Variants in GPR89B observed in about 807,000 individuals in gnomAD.
The protein encoded by GPR89B is G protein-coupled receptor 89B.
A neutral mutation model predicts 52.4 loss-of-function variants in GPR89B; 25 were observed. The ratio of observed to expected loss-of-function variants is 0.48; its 90% CI spans 0.35 to 0.67. GPR89B has a LOEUF of 0.67. Among genes scored for constraint, GPR89B ranks in the 30% least tolerant of loss-of-function variants. The probability of loss-of-function intolerance (pLI) is 0.01; values close to 1 mark genes in which losing one functional copy is unlikely to be tolerated. For synonymous variants in GPR89B, 52 were observed against 151.2 expected, an observed-to-expected ratio of 0.34 and a Z score of 4.81; for missense variants, 146 against 450.2, an observed-to-expected ratio of 0.32 and a Z score of 6.11.
intron 5 of GPR89B, among the ~76,000 whole-genome samples, chr1:147,949,318 C>A (rs587740890): frequency 6.7e-6 from 1 of 149,010 alleles, no homozygotes; most frequent in Non-Finnish European, 1.5e-5. Flanking sequence ...AGGGGCTCCT[C>A]ACTTCCCAGT....
At chr1:147,992,014 C>T (rs1376953077) in intron 12 of GPR89B, among the ~76,000 whole-genome samples, 2 of 151,992 alleles carry the variant, frequency 1.3e-5, no homozygotes, top group Admixed American at 6.6e-5. Context: ...TTCTAATCAA[C>T]GTAGGAAGAC....
intron 1 of GPR89B, among the ~76,000 whole-genome samples, chr1:147,931,200 T>G (rs1653569536): frequency 6.6e-6 from 1 of 152,036 alleles, no homozygotes; most frequent in South Asian, 2.1e-4. Flanking sequence ...CCAAGAAAGG[T>G]GTCTTTTATA....
chr1:148,022,451 A>T, the GPR89B span, among the ~76,000 whole-genome samples: 4 of 151,940 alleles, frequency 2.6e-5, no homozygotes, highest in Non-Finnish European at 4.4e-5. Context: ...TTTCGTTAAT[A>T]GATAGAGACC....
intron 1 of GPR89B, among the ~76,000 whole-genome samples, chr1:147,931,674 C>T (rs1653627515): frequency 2.0e-5 from 3 of 151,462 alleles, no homozygotes; most frequent in South Asian, 4.2e-4. Context: ...ACAAATGATC[C>T]GGTCACCCAG....
chr1:147,969,304 G>A (rs1350762684), intron 9 of GPR89B: 1 of 298,288 alleles, frequency 3.4e-6, no homozygotes, highest in Non-Finnish European at 6.2e-6. Context: ...TATAAGAGCA[G>A]TAGACACCTA....
chr1:148,000,324 TC>T, the GPR89B span, among the ~76,000 whole-genome samples: 1 of 151,472 alleles, frequency 6.6e-6, no homozygotes, highest in African/African-American at 2.4e-5. Flanking sequence ...ATTAGAGACT[TC>T]TATTCAAGTT....
chr1:147,971,596 G>A (rs1657477675), intron 10 of GPR89B, among the ~76,000 whole-genome samples: 2 of 149,016 alleles, frequency 1.3e-5, no homozygotes, highest in African/African-American at 5.0e-5. Flanking sequence ...CCTGCCTTAG[G>A]CTCCCAAGTA....
the GPR89B span, among the ~76,000 whole-genome samples, chr1:148,015,557 A>G: frequency 0.45 from 61,010 of 136,610 alleles, 14,817 homozygotes; most frequent in African/African-American, 0.52. Context: ...CTCGTGATGC[A>G]CCCGCCTTTG....
chr1:147,963,373 C>CA, intron 7 of GPR89B, among the ~76,000 whole-genome samples: 1 of 136,646 alleles, frequency 7.3e-6, no homozygotes, highest in Admixed American at 7.3e-5. Context: ...AAGACTCCTT[C>CA]TTAAAAAAAA....
chr1:147,984,684 C>G (rs1658537792), intron 10 of GPR89B, among the ~76,000 whole-genome samples: 2 of 148,728 alleles, frequency 1.3e-5, no homozygotes. Flanking sequence ...TACTGCTATA[C>G]TAGATCTCAC....
intron 10 of GPR89B, among the ~76,000 whole-genome samples, chr1:147,980,870 C>A: frequency 7.2e-6 from 1 of 139,230 alleles, no homozygotes; most frequent in Non-Finnish European, 1.5e-5. Context: ...CATTAGTAGT[C>A]ATTCCCCATT....
the GPR89B span, among the ~76,000 whole-genome samples, chr1:148,007,972 A>G: frequency 6.6e-6 from 1 of 151,940 alleles, no homozygotes; most frequent in East Asian, 1.9e-4. Flanking sequence ...ATTTCATTAC[A>G]CTACTCATAA....
chr1:148,018,004 G>A, the GPR89B span, among the ~76,000 whole-genome samples: 1 of 146,680 alleles, frequency 6.8e-6, no homozygotes, highest in Admixed American at 6.7e-5. Context: ...TAAGGTACAT[G>A]ATTACCTTCT....
At chr1:147,970,569 C>CTATA (rs1295887286) in intron 10 of GPR89B, among the ~76,000 whole-genome samples, 7 of 142,640 alleles carry the variant, frequency 4.9e-5, no homozygotes, top group African/African-American at 1.9e-4. Flanking sequence ...CTCTCTCTCT[C>CTATA]TATATATATA....
chr1:148,009,402 C>T, the GPR89B span: 223 of 1,611,882 alleles, frequency 1.4e-4, no homozygotes, highest in Non-Finnish European at 1.7e-4. Flanking sequence ...ATAGCAGAGC[C>T]GGGGCTGGGT....
chr1:147,967,999 T>A (rs1273976862), intron 8 of GPR89B: 1 of 320,798 alleles, frequency 3.1e-6, no homozygotes, highest in East Asian at 8.0e-5. Context: ...TGGGTAATAG[T>A]GGGAAAAATC....
At chr1:147,989,655 C>T (rs1658914826) in intron 12 of GPR89B, among the ~76,000 whole-genome samples, 1 of 151,728 alleles carries the variant, frequency 6.6e-6, no homozygotes, top group Admixed American at 6.6e-5. Flanking sequence ...TTGTTCAATT[C>T]CCACCTATGA....
the GPR89B span, chr1:148,010,323 G>C: frequency 3.9e-5 from 6 of 152,246 alleles, no homozygotes; most frequent in Non-Finnish European, 7.3e-5. Context: ...CTTTTCTAGA[G>C]ACTCAAAAGA....
chr1:147,970,549 C>CTA (rs1657381839), intron 10 of GPR89B, among the ~76,000 whole-genome samples: 30 of 124,626 alleles, frequency 2.4e-4, no homozygotes, highest in East Asian at 1.7e-3. Context: ...CTATCTCTCT[C>CTA]TCTCTATCTC....
Sources: gnomAD v4.1 joint callset for allele counts (sites outside exome capture counted in the v4.1 genomes callset) on GRCh38, gnomAD v4.1.1 for gene constraint, MANE v1.5 for transcripts, NCBI Gene and HGNC (gene_info 2026-07-23, HGNC 2026-07-21) for gene names.